HTR1F: variants seen among roughly 807,000 people sequenced by gnomAD.
The protein encoded by HTR1F is 5-hydroxytryptamine receptor 1F.
Under a neutral mutation model 24.0 loss-of-function variants are expected in HTR1F, and 17 were observed. That is an observed-to-expected ratio of 0.71 (90% CI 0.48 to 1.06). The LOEUF (loss-of-function observed/expected upper bound fraction) is 1.06. Among genes scored for constraint, HTR1F ranks in the 50% least tolerant of loss-of-function variants. The pLI, the probability that HTR1F is intolerant of heterozygous loss-of-function variation, is 0.00. For missense variants in HTR1F, 391 were observed against 427.8 expected, an observed-to-expected ratio of 0.91 and a Z score of 0.76; for synonymous variants, 186 against 156.8, an observed-to-expected ratio of 1.19 and a Z score of -1.39.
At chr3:87,806,915 C>G (rs751521785) in intron 1 of HTR1F, among the ~76,000 whole-genome samples, 37 of 151,756 alleles carry the variant, frequency 2.4e-4, no homozygotes, top group Non-Finnish European at 5.2e-4. Context: ...TTCTTGGAAC[C>G]CTCATCAAAA....
chr3:87,794,628 A>G lies in HTR1F; in HGVS notation c.-160+1786A>G, dbSNP rs544047796. Among the ~76,000 whole-genome samples, 25 of 152,342 alleles carry G rather than the reference A, an allele frequency of 1.6e-4. No homozygotes were observed. In the East Asian group the frequency reaches 4.8e-3, roughly 29 times the overall value. On this transcript the variant is annotated intron_variant, in intron 1 of 2. Coordinates refer to ENST00000319595, the MANE Select transcript of HTR1F (RefSeq NM_001322209.2). ...CACGCTTCATCCAAGTGGGCTTATTACAGAGCTAATGAGCTTAAGTTATAT... is the reference window on the plus strand; with the variant it reads ...CACGCTTCATCCAAGTGGGCTTATTGCAGAGCTAATGAGCTTAAGTTATAT...
At chr3:87,900,614 G>T (rs907002261) in intron 2 of HTR1F, among the ~76,000 whole-genome samples, 5 of 152,170 alleles carry the variant, frequency 3.3e-5, no homozygotes, top group African/African-American at 1.2e-4. Context: ...AGAGATTAAT[G>T]GGGAGTAGAC....
chr3:87,924,315 T>C (rs1213169177), intron 2 of HTR1F, among the ~76,000 whole-genome samples: 2 of 152,138 alleles, frequency 1.3e-5, no homozygotes, highest in African/African-American at 2.4e-5. Context: ...AAGGTTCTTA[T>C]TGATAGGTTA....
chr3:87,877,410 G>A (rs1705693645), intron 2 of HTR1F, among the ~76,000 whole-genome samples: 1 of 151,884 alleles, frequency 6.6e-6, no homozygotes. Context: ...TCAATTTTTA[G>A]TGAATTGAAA....
At chr3:87,807,153 T>G in intron 1 of HTR1F, among the ~76,000 whole-genome samples, 1 of 151,974 alleles carries the variant, frequency 6.6e-6, no homozygotes, top group Non-Finnish European at 1.5e-5. Flanking sequence ...ATTTTTTCTA[T>G]TTCTGTAAAA....
chr3:87,827,758 A>G (rs1241712821), intron 2 of HTR1F, among the ~76,000 whole-genome samples: 3 of 152,224 alleles, frequency 2.0e-5, no homozygotes, highest in African/African-American at 7.2e-5. Flanking sequence ...CAAAAAACAT[A>G]GCCCTATCAT....
rs1034098183 is a variant in HTR1F at position 87,886,211 on chromosome 3, A to G, written c.-43+64087A>G. Among the ~76,000 whole-genome samples the G allele has an allele frequency of 2.6e-5, 4 of 152,226 alleles. 1 individual carries two copies. Among genetic ancestry groups the G allele is most frequent in the African/African-American group, 9.6e-5 (4 of 41,454 alleles). On this transcript the variant is annotated intron_variant, in intron 2 of 2. Coordinates refer to ENST00000319595, the MANE Select transcript of HTR1F (RefSeq NM_001322209.2). ...ATTCACAAATCAATAAACGTAATCC[A>G]TCACATAAACAGAACCAAGGACAAA...
Position 87,963,531 on chromosome 3 carries a change from G to A in HTR1F, c.-42-27177G>A, listed in dbSNP as rs577888898. ...AACAATGAGCCATTTGCTGTGTATTGTCCTCCAAGATGACAATAACTATCC... is the reference window on the plus strand; with the variant it reads ...AACAATGAGCCATTTGCTGTGTATTATCCTCCAAGATGACAATAACTATCC... On this transcript the variant is annotated intron_variant, in intron 2 of 2. Coordinates refer to ENST00000319595, the MANE Select transcript of HTR1F (RefSeq NM_001322209.2). 4.6e-5 allele frequency among the ~76,000 whole-genome samples: 7 copies of A among 152,182 alleles called. No individual in the cohort carries two copies. The East Asian group carries it at 1.2e-3, about 25-fold the overall frequency.
At chr3:87,796,805 G>A (rs1422260729) in intron 1 of HTR1F, among the ~76,000 whole-genome samples, 4 of 152,162 alleles carry the variant, frequency 2.6e-5, no homozygotes, top group Non-Finnish European at 4.4e-5. Context: ...TTTAAGAATT[G>A]AGCATAGATT....
chr3:87,809,697 T>A (rs1704129326), intron 1 of HTR1F, among the ~76,000 whole-genome samples: 1 of 152,070 alleles, frequency 6.6e-6, no homozygotes, highest in African/African-American at 2.4e-5. Context: ...CATTTGTCTA[T>A]CTTCCATTGG....
At chr3:87,962,258 T>C (rs1353065894) in intron 2 of HTR1F, among the ~76,000 whole-genome samples, 2 of 151,950 alleles carry the variant, frequency 1.3e-5, no homozygotes, top group East Asian at 1.9e-4. Context: ...AGGGGGAAAA[T>C]GGAAAACTAA....
intron 2 of HTR1F, among the ~76,000 whole-genome samples, chr3:87,925,372 C>T (rs753243121): frequency 6.6e-6 from 1 of 152,082 alleles, no homozygotes; most frequent in African/African-American, 2.4e-5. Flanking sequence ...GATGTCTTCT[C>T]AGTTACTTGG....
chr3:87,975,781 G>T (rs1387676559), intron 2 of HTR1F, among the ~76,000 whole-genome samples: 1 of 152,162 alleles, frequency 6.6e-6, no homozygotes, highest in Non-Finnish European at 1.5e-5. Context: ...TATTTTAGTT[G>T]ATAGCCTTGG....
chr3:87,990,787 C>T lies in HTR1F; in HGVS notation c.38C>T (p.Ser13Leu). Residue 13 changes from serine (S) to leucine (L), a missense_variant, in exon 3 of 3, where the codon TCA becomes TTA. Physicochemically the swap from Ser to Leu is moderately radical, Grantham distance 145. Transcript: ENST00000319595. ...AATTCATCTGATCAAAACTTGACCT[C>T]AGAGGAACTGTTAAACAGAATGCCA... ...FLNSSDQNLT[S>L]EELLNRMPSK... The T allele has an allele frequency of 1.2e-6, 2 of 1,613,684 alleles. No individual in the cohort carries two copies. The highest frequency in any genetic ancestry group is 2.2e-5 in the East Asian group (1 of 44,880).
At chr3:87,793,300 G>C (rs1025834290) in intron 1 of HTR1F, 1 of 152,114 alleles carries the variant, frequency 6.6e-6, no homozygotes, top group Admixed American at 6.6e-5. Flanking sequence ...TCCATCTCTC[G>C]GTGGGATCTT....
intron 2 of HTR1F, among the ~76,000 whole-genome samples, chr3:87,915,742 C>T (rs555352352): frequency 2.6e-5 from 4 of 152,152 alleles, no homozygotes; most frequent in African/African-American, 9.6e-5. Flanking sequence ...AATTGGTGTT[C>T]CTGAGGAAGA....
intron 2 of HTR1F, among the ~76,000 whole-genome samples, chr3:87,882,118 A>G (rs1425228009): frequency 4.6e-5 from 7 of 152,248 alleles, no homozygotes; most frequent in Admixed American, 4.6e-4. Context: ...AATGGTCACC[A>G]TCACTGTCCA....
At chr3:87,935,489 C>G (rs1376248867) in intron 2 of HTR1F, among the ~76,000 whole-genome samples, 1 of 150,610 alleles carries the variant, frequency 6.6e-6, no homozygotes, top group African/African-American at 2.5e-5. Flanking sequence ...AGATCTTCCA[C>G]TAAATGAGAA....
intron 2 of HTR1F, among the ~76,000 whole-genome samples, chr3:87,943,252 G>A (rs1704613871): frequency 6.6e-6 from 1 of 152,156 alleles, no homozygotes; most frequent in Admixed American, 6.5e-5. Flanking sequence ...CTCTCAGGCT[G>A]CAGTTATGGC....
Sources: allele counts gnomAD v4.1 joint callset (sites outside exome capture counted in the v4.1 genomes callset), GRCh38; gene constraint gnomAD v4.1.1; transcripts MANE v1.5; gene names NCBI Gene and HGNC (gene_info 2026-07-23, HGNC 2026-07-21).